WDR89: variants seen among roughly 807,000 people sequenced by gnomAD.
WDR89 encodes WD repeat domain 89.
WDR89 carries 17 observed loss-of-function variants against 29.1 expected under a neutral mutation model. The ratio of observed to expected loss-of-function variants is 0.58; its 90% CI spans 0.40 to 0.88. WDR89 has a LOEUF of 0.88. Ranked by LOEUF, WDR89 falls within the 40% of genes least tolerant of loss-of-function variation. WDR89 has a pLI of 0.00. For synonymous variants in WDR89, 138 were observed against 157.8 expected, an observed-to-expected ratio of 0.87 and a Z score of 0.94; for missense variants, 396 against 456.3, an observed-to-expected ratio of 0.87 and a Z score of 1.20.
chr14:63,623,425 C>T (rs1247203153), intron 2 of WDR89, among the ~76,000 whole-genome samples: 4 of 151,792 alleles, frequency 2.6e-5, no homozygotes, highest in Non-Finnish European at 4.4e-5. Context: ...TATACCTGGC[C>T]GGGCATGGTG....
At chr14:63,601,603 T>G (rs1895067035) in intron 2 of WDR89, 2 of 1,612,906 alleles carry the variant, frequency 1.2e-6, no homozygotes, top group Non-Finnish European at 1.7e-6. Flanking sequence ...GGCATTATGC[T>G]TCCAGAAAAA....
At chr14:63,632,223 C>A (rs995974338) in intron 1 of WDR89, among the ~76,000 whole-genome samples, 4 of 151,940 alleles carry the variant, frequency 2.6e-5, no homozygotes, top group Admixed American at 2.6e-4. Flanking sequence ...CTCATATAAG[C>A]CTGAGGGACT....
At chr14:63,615,518 T>C (rs551136480) in intron 2 of WDR89, among the ~76,000 whole-genome samples, 3 of 152,354 alleles carry the variant, frequency 2.0e-5, no homozygotes, top group Admixed American at 1.3e-4. Flanking sequence ...TACAGAATGA[T>C]GTTAACATTA....
chr14:63,627,879 G>A (rs920200181), intron 1 of WDR89, among the ~76,000 whole-genome samples: 4 of 152,266 alleles, frequency 2.6e-5, no homozygotes, highest in Middle Eastern at 6.8e-3. Flanking sequence ...TTGAGCCCAG[G>A]AGGTCGAGTA....
chr14:63,622,562 C>A (rs1173045902), intron 2 of WDR89, among the ~76,000 whole-genome samples: 1 of 152,086 alleles, frequency 6.6e-6, no homozygotes, highest in East Asian at 1.9e-4. Context: ...GCCTGGGCAA[C>A]AGAGCGAGAC....
At chr14:63,637,720 A>G (rs1323790212) in intron 1 of WDR89, among the ~76,000 whole-genome samples, 1 of 152,116 alleles carries the variant, frequency 6.6e-6, no homozygotes, top group Non-Finnish European at 1.5e-5. Flanking sequence ...ACCAAACATC[A>G]TATATTCTCA....
chr14:63,618,421 C>T (rs1297528519), intron 2 of WDR89, among the ~76,000 whole-genome samples: 1 of 152,132 alleles, frequency 6.6e-6, no homozygotes, highest in Non-Finnish European at 1.5e-5. Context: ...TCCCAAAGTG[C>T]TGGGATTATA....
chr14:63,599,681 C>A lies in WDR89; in HGVS notation c.262G>T (p.Ala88Ser), dbSNP rs777385564. ...CATTTCACAGTGCCATCAGTACATGCTGAATATACACTGTCACAGGAATTT... is the reference window on the plus strand; with the variant it reads ...CATTTCACAGTGCCATCAGTACATGATGAATATACACTGTCACAGGAATTT... Reference protein sequence around the residue: ...FANSCDSVYSACTDGTVKCWD... With the variant: ...FANSCDSVYSSCTDGTVKCWD... The change falls in exon 3 of 3, where the codon GCA (alanine) becomes TCA (serine). Residue 88 changes from alanine (A) to serine (S), a missense_variant. Coordinates refer to ENST00000620954, the MANE Select transcript of WDR89 (RefSeq NM_080666.4). The A allele has an allele frequency of 1.2e-6, 2 of 1,614,214 alleles. No individual in the cohort carries two copies. The highest frequency in any genetic ancestry group is 1.3e-5 in the African/African-American group (1 of 75,064).
intron 2 of WDR89, among the ~76,000 whole-genome samples, chr14:63,605,174 A>C (rs376412867): frequency 0.084 from 12,465 of 148,510 alleles, 963 homozygotes; most frequent in African/African-American, 0.21. Flanking sequence ...CTCTATATAT[A>C]TATATATACA....
rs10498511 is a variant in WDR89 at position 63,641,820 on chromosome 14, T to C, written c.-154A>G. The C allele has an allele frequency of 0.11, 17,232 of 152,356 alleles. 2,242 individuals carry two copies. Among genetic ancestry groups the C allele is most frequent in the African/African-American group, 0.32 (13,366 of 41,498 alleles). 9.4% of individuals were successfully genotyped at this position (152,356 alleles called of 1,614,324 possible). On this transcript the variant is annotated 5_prime_UTR_variant, in exon 1 of 3. Transcript: ENST00000620954. ...AAAATGTACCTTAGTAGCCTCAACCTGTACCGGAGAAAACGCAGGCTGCGC... is the reference window on the plus strand; with the variant it reads ...AAAATGTACCTTAGTAGCCTCAACCCGTACCGGAGAAAACGCAGGCTGCGC...
intron 2 of WDR89, among the ~76,000 whole-genome samples, chr14:63,607,024 G>C (rs1895353771): frequency 6.6e-6 from 1 of 152,198 alleles, no homozygotes; most frequent in Non-Finnish European, 1.5e-5. Flanking sequence ...TGAGGCTTTA[G>C]AGGAGGAATT....
chr14:63,628,116 A>G (rs1170812480), intron 1 of WDR89, among the ~76,000 whole-genome samples: 1 of 152,142 alleles, frequency 6.6e-6, no homozygotes, highest in African/African-American at 2.4e-5. Context: ...GTGCACCTGC[A>G]ATCTCAGCTA....
chr14:63,621,662 T>C (rs1882702291), intron 2 of WDR89: 1 of 152,166 alleles, frequency 6.6e-6, no homozygotes, highest in African/African-American at 2.4e-5. Flanking sequence ...AAAGGAATGA[T>C]AATTTTAAAC....
intron 1 of WDR89, chr14:63,641,193 T>C (rs1884106450): frequency 6.6e-6 from 1 of 151,704 alleles, no homozygotes. Context: ...TTTACATCCA[T>C]GGAAGCTGAA....
At chr14:63,627,558 C>T (rs1390869308) in intron 1 of WDR89, among the ~76,000 whole-genome samples, 1 of 152,160 alleles carries the variant, frequency 6.6e-6, no homozygotes, top group Non-Finnish European at 1.5e-5. Flanking sequence ...ATCCTGTGTT[C>T]TGCCTATTCA....
chr14:63,615,995 C>A (rs1454968656), intron 2 of WDR89, among the ~76,000 whole-genome samples: 1 of 151,426 alleles, frequency 6.6e-6, no homozygotes, highest in Non-Finnish European at 1.5e-5. Flanking sequence ...ATAATGCTAG[C>A]ACTTTGGGAG....
chr14:63,605,211 TACACACACACACACACAC>T (rs200461481), intron 2 of WDR89, among the ~76,000 whole-genome samples: 1 of 102,430 alleles, frequency 9.8e-6, no homozygotes, highest in Non-Finnish European at 2.3e-5. Flanking sequence ...TACATACACA[TACACACACACACACACAC>T]ACACACACAC....
chr14:63,624,365 G>A lies in WDR89; in HGVS notation c.-32+563C>T, dbSNP rs181187188. On this transcript the variant is annotated intron_variant, in intron 2 of 2. Transcript: ENST00000620954. ...GCCTATAGTCCCAGCTACTCAGGAGGCTGAGATGAAGAGGTCACTTTAGCC... is the reference window on the plus strand; with the variant it reads ...GCCTATAGTCCCAGCTACTCAGGAGACTGAGATGAAGAGGTCACTTTAGCC... Among the ~76,000 whole-genome samples the A allele has an allele frequency of 4.8e-3, 733 of 151,806 alleles. 3 individuals are homozygous for A. The highest frequency in any genetic ancestry group is 7.5e-3 in the Non-Finnish European group (510 of 67,928).
intron 2 of WDR89, chr14:63,601,805 C>T (rs916890591): frequency 1.0e-5 from 11 of 1,104,532 alleles, no homozygotes; most frequent in Admixed American, 5.1e-5. Flanking sequence ...TTGGAAAGTA[C>T]GTAAACTGAA....
Sources: allele counts gnomAD v4.1 joint callset (sites outside exome capture counted in the v4.1 genomes callset), GRCh38; gene constraint gnomAD v4.1.1; transcripts MANE v1.5; gene names NCBI Gene and HGNC (gene_info 2026-07-23, HGNC 2026-07-21).